The following SCN1A variants were observed in gnomAD, a reference collection of about 807,000 sequenced individuals.
SCN1A encodes sodium channel protein type 1 subunit alpha.
SCN1A carries 13 observed loss-of-function variants against 193.7 expected under a neutral mutation model. The ratio of observed to expected loss-of-function variants is 0.07; its 90% CI spans 0.04 to 0.11. The LOEUF is 0.11. Ranked by LOEUF, SCN1A falls within the 10% of genes least tolerant of loss-of-function variation. SCN1A has a pLI of 1.00. For missense variants in SCN1A, 1,432 were observed against 2,451.1 expected, an observed-to-expected ratio of 0.58 and a Z score of 8.78; for synonymous variants, 781 against 843.6, an observed-to-expected ratio of 0.93 and a Z score of 1.29.
At chr2:166,042,518 A>G (rs908863465) in intron 14 of SCN1A, 94 bp from the exon 15 acceptor site, 29 of 1,120,196 alleles carry the variant, frequency 2.6e-5, no homozygotes, top group Non-Finnish European at 3.9e-5. Flanking sequence ...CATGAAACAC[A>G]TGCATCATGC....
At chr2:166,087,367 G>T (rs935216345) in intron 2 of SCN1A, among the ~76,000 whole-genome samples, 1 of 152,094 alleles carries the variant, frequency 6.6e-6, no homozygotes, top group African/African-American at 2.4e-5. Context: ...TTGGGAGGAT[G>T]AGGCAGGAGA....
chr2:166,130,391 T>G (rs895593175), upstream of SCN1A, among the ~76,000 whole-genome samples: 1 of 152,178 alleles, frequency 6.6e-6, no homozygotes, highest in Non-Finnish European at 1.5e-5. Context: ...GACATGTCAG[T>G]CATATGGAAA....
At chr2:166,143,258 C>G (rs912894895) in intron 1 of SCN1A, among the ~76,000 whole-genome samples, 1 of 150,434 alleles carries the variant, frequency 6.6e-6, no homozygotes, top group African/African-American at 2.5e-5. Context: ...GCTCCGCCTC[C>G]CGGGTTCAAG....
At chr2:166,054,558 G>A (rs1404571754) in intron 7 of SCN1A, 80 bp downstream of exon 7, 2 of 1,446,410 alleles carry the variant, frequency 1.4e-6, no homozygotes, top group East Asian at 2.3e-5. Context: ...TACAGGTAAA[G>A]CAAACCTATT....
chr2:166,110,179 ATT>A (rs869286382), intron 2 of SCN1A, among the ~76,000 whole-genome samples: 3 of 147,318 alleles, frequency 2.0e-5, no homozygotes, highest in African/African-American at 7.4e-5. Flanking sequence ...AATAAAAAAA[ATT>A]TTTTTTTAAT....
rs140608000 is a variant in SCN1A at position 166,033,119 on chromosome 2, G to A, written c.3429+2929C>T. On this transcript the variant is annotated intron_variant, in intron 19 of 28. Transcript: ENST00000674923. ...AAAATATGATAGTACTTTGTAAGAC[G>A]CATGAGTCAAGAAGATGCATTATTT... 2.5e-3 allele frequency among the ~76,000 whole-genome samples: 386 copies of A among 152,210 alleles called. 4 individuals carry two copies. Among genetic ancestry groups the A allele is most frequent in the Admixed American group, 9.0e-3 (137 of 15,284 alleles).
intron 4 of SCN1A, among the ~76,000 whole-genome samples, chr2:166,061,516 A>G (rs905272728): frequency 2.6e-5 from 4 of 152,172 alleles, no homozygotes; most frequent in African/African-American, 9.7e-5. Flanking sequence ...TAGGATGACT[A>G]CAGTTAAAAA....
chr2:166,045,452 A>C (rs1697707776), intron 12 of SCN1A, 125 bp from the exon 13 acceptor site: 2 of 1,118,142 alleles, frequency 1.8e-6, no homozygotes, highest in African/African-American at 3.1e-5. Context: ...TCTCACAGAG[A>C]AGATTCTCTG....
chr2:165,985,279 A>AGGAGAGGGAGAGAGGAAGGAAGGG (rs1275234564), downstream of SCN1A: 1 of 150,932 alleles, frequency 6.6e-6, no homozygotes, highest in African/African-American at 2.4e-5. Context: ...GAAGGAAGGA[A>AGGAGAGGGAGAGAGGAAGGAAGGG]GGAGAGGGAG....
chr2:166,042,366 A>C lies in SCN1A; in HGVS notation c.2102T>G (p.Met701Arg), dbSNP rs763445773. Residue 701 changes from methionine (M) to arginine (R), a missense_variant, in exon 15 of 29, where the codon ATG (methionine) becomes AGG (arginine). By Grantham distance (91) the Met-to-Arg change is moderately conservative (BLOSUM62 -1). Around this residue, in one of 18 missense-constraint regions of SCN1A, gnomAD observed 316 missense variants for 362.1 expected, o/e 0.87. Transcript: ENST00000674923. ...KRRSSSFHVSMDFLEDPSQRQ... is the reference protein window; with the variant it reads ...KRRSSSFHVSRDFLEDPSQRQ... ...TTGGGAAGGATCTTCTAGAAAGTCC[A>C]TGGAAACGTGGAAAGAACTTGACCT... 4 of 1,613,850 alleles carry C rather than the reference A, an allele frequency of 2.5e-6. No individual in the cohort carries two copies. The highest frequency in any genetic ancestry group is 2.5e-6 in the Non-Finnish European group (3 of 1,179,884).
chr2:166,093,138 T>C (rs529351505), intron 2 of SCN1A, among the ~76,000 whole-genome samples: 1 of 151,250 alleles, frequency 6.6e-6, no homozygotes, highest in East Asian at 2.0e-4. Context: ...GACCTAGAGT[T>C]GAGGATGAGG....
intron 2 of SCN1A, among the ~76,000 whole-genome samples, chr2:166,085,689 T>C (rs1169459036): frequency 6.6e-6 from 1 of 152,126 alleles, no homozygotes; most frequent in African/African-American, 2.4e-5. Context: ...ATCAGGTGTT[T>C]GACACTTTCA....
rs996059069 is a variant in SCN1A at position 166,007,347 on chromosome 2, G to A, written c.4002+2372C>T. On this transcript the variant is annotated intron_variant, in intron 23 of 28. Transcript: ENST00000674923. ...TATTAGTTAGAAATCTGATATGACAGAACATTTGGTGTTACTTTTTGTTCA... is the reference window on the plus strand; with the variant it reads ...TATTAGTTAGAAATCTGATATGACAAAACATTTGGTGTTACTTTTTGTTCA... 3.3e-5 allele frequency: 5 copies of A among 151,166 alleles called. No individual in the cohort carries two copies. In the Admixed American group the frequency reaches 3.3e-4, roughly 10 times the overall value. 9.4% of individuals were successfully genotyped at this position (151,166 alleles called of 1,614,324 possible). A position where few individuals can be genotyped will look rare whatever the true frequency, so the allele number is the denominator to read the frequency against.
chr2:166,066,571 A>C (rs1423853163), intron 4 of SCN1A, among the ~76,000 whole-genome samples: 1 of 152,190 alleles, frequency 6.6e-6, no homozygotes, highest in Non-Finnish European at 1.5e-5. Context: ...TACACATATA[A>C]GAACATTTCT....
chr2:166,058,587 A>G lies in SCN1A; in HGVS notation c.366T>C (p.Ile122=), dbSNP rs752918105. The G allele has an allele frequency of 1.2e-5, 19 of 1,596,868 alleles. No homozygotes were observed. The Admixed American group carries it at 3.0e-4, about 25-fold the overall frequency. The change falls in exon 5 of 29, where the codon ATT becomes ATC. Residue 122 remains isoleucine (I), a synonymous_variant. Coordinates refer to ENST00000674923, the MANE Select transcript of SCN1A (RefSeq NM_001165963.4). ...TPFNPLRKIA[I]KILVHSLFSM... is the part of the protein sequence containing the mutation. The stretch of plus-strand genomic sequence containing the variant: ...AAGGATATGAATGTACCAAAATCTT[A>G]ATAGCTATTTTCCTAAGAGGATTGA...
At position 166,033,891 on chromosome 2, in the gene SCN1A, A is replaced by G. The variant is rs1275302937; in HGVS notation, c.3429+2157T>C. Among the ~76,000 whole-genome samples the G allele has an allele frequency of 4.6e-5, 7 of 152,266 alleles. No individual in the cohort carries two copies. The South Asian group carries it at 1.0e-3, about 23-fold the overall frequency. Reference sequence around the variant, plus strand: ...AGCCATTAGTCCTCATCAAATGCTAAATGTAGGTCTAAAGATTCAAGACAA... The same window carrying G: ...AGCCATTAGTCCTCATCAAATGCTAGATGTAGGTCTAAAGATTCAAGACAA... On this transcript the variant is annotated intron_variant, in intron 19 of 28. Coordinates refer to ENST00000674923, the MANE Select transcript of SCN1A (RefSeq NM_001165963.4).
chr2:166,130,206 G>T (rs1162767405), upstream of SCN1A, among the ~76,000 whole-genome samples: 1 of 152,174 alleles, frequency 6.6e-6, no homozygotes, highest in Non-Finnish European at 1.5e-5. Flanking sequence ...CACTTCATTA[G>T]CTTCAAGAAA....
chr2:166,040,160 C>T (rs939046893), intron 16 of SCN1A, among the ~76,000 whole-genome samples: 12 of 152,116 alleles, frequency 7.9e-5, no homozygotes, highest in South Asian at 2.1e-4. Context: ...CCTCGTGATC[C>T]GTCCGCCTCG....
intron 19 of SCN1A, among the ~76,000 whole-genome samples, chr2:166,018,278 C>T (rs1240369347): frequency 1.3e-5 from 2 of 151,840 alleles, no homozygotes; most frequent in Non-Finnish European, 2.9e-5. Flanking sequence ...TAAGTGAAAC[C>T]ACTTATTCAC....
Sources: allele counts gnomAD v4.1 joint callset (sites outside exome capture counted in the v4.1 genomes callset), GRCh38; gene constraint gnomAD v4.1.1; regional missense constraint gnomAD v4.1.1; transcripts MANE v1.5; gene names NCBI Gene and HGNC (gene_info 2026-07-23, HGNC 2026-07-21).